The following SHISA9 variants were observed in gnomAD, a reference collection of about 807,000 sequenced individuals.
SHISA9 encodes protein shisa-9.
Under a neutral mutation model 38.0 loss-of-function variants are expected in SHISA9, and 13 were observed. The ratio of observed to expected loss-of-function variants is 0.34; its 90% CI spans 0.22 to 0.54. SHISA9 has a LOEUF of 0.54. SHISA9 is among the 20% of genes least tolerant of loss of function. SHISA9 has a pLI of 0.91. For missense variants in SHISA9, 538 were observed against 575.8 expected, an observed-to-expected ratio of 0.93 and a Z score of 0.67; for synonymous variants, 275 against 242.0, an observed-to-expected ratio of 1.14 and a Z score of -1.27.
At chr16:13,104,296 C>T (rs1231675430) in intron 2 of SHISA9, among the ~76,000 whole-genome samples, 1 of 152,120 alleles carries the variant, frequency 6.6e-6, no homozygotes, top group Non-Finnish European at 1.5e-5. Flanking sequence ...TTGGCAGTTT[C>T]TTAAAATGTT....
chr16:13,229,707 A>G (rs889141660), intron 4 of SHISA9, among the ~76,000 whole-genome samples: 1 of 152,208 alleles, frequency 6.6e-6, no homozygotes, highest in Non-Finnish European at 1.5e-5. Flanking sequence ...TCTGCTCTCA[A>G]AGAACTCGTG....
the SHISA9 span, among the ~76,000 whole-genome samples, chr16:13,385,820 G>C: frequency 6.6e-6 from 1 of 152,196 alleles, no homozygotes; most frequent in South Asian, 2.1e-4. Flanking sequence ...ACTCAGCAAT[G>C]AAAAGGAACA....
chr16:13,370,172 G>T, the SHISA9 span, among the ~76,000 whole-genome samples: 209 of 152,310 alleles, frequency 1.4e-3, 7 homozygotes, highest in East Asian at 0.034. Flanking sequence ...ACGACCATGG[G>T]TTTTGTCTGT....
chr16:13,421,441 A>C, the SHISA9 span, among the ~76,000 whole-genome samples: 1 of 152,142 alleles, frequency 6.6e-6, no homozygotes. Context: ...AAAAGCGGAA[A>C]CCCCTGATAA....
At chr16:13,170,855 C>T (rs141308943) in intron 2 of SHISA9, among the ~76,000 whole-genome samples, 1 of 152,246 alleles carries the variant, frequency 6.6e-6, no homozygotes, top group African/African-American at 2.4e-5. Flanking sequence ...TGGGGTTTCA[C>T]CATGTTGGGC....
At chr16:13,074,941 G>A (rs1271952566) in intron 2 of SHISA9, among the ~76,000 whole-genome samples, 4 of 152,048 alleles carry the variant, frequency 2.6e-5, no homozygotes, top group Non-Finnish European at 4.4e-5. Flanking sequence ...TGGGATTACC[G>A]GTGTGAGCCA....
chr16:12,940,732 A>G (rs981619721), intron 2 of SHISA9, among the ~76,000 whole-genome samples: 1 of 152,104 alleles, frequency 6.6e-6, no homozygotes. Flanking sequence ...TTTGTTTCCA[A>G]CATATGCATT....
intron 2 of SHISA9, among the ~76,000 whole-genome samples, chr16:12,983,342 C>T (rs2141825104): frequency 6.6e-6 from 1 of 152,322 alleles, no homozygotes; most frequent in African/African-American, 2.4e-5. Flanking sequence ...GTTTCTCCCT[C>T]TGGAAAACGG....
chr16:12,967,204 A>G (rs935947786), intron 2 of SHISA9, among the ~76,000 whole-genome samples: 1 of 151,848 alleles, frequency 6.6e-6, no homozygotes, highest in African/African-American at 2.4e-5. Flanking sequence ...TGTGGCACAT[A>G]TACGCCATGG....
chr16:12,954,622 C>T (rs1317451210), intron 2 of SHISA9, among the ~76,000 whole-genome samples: 1 of 152,166 alleles, frequency 6.6e-6, no homozygotes, highest in Admixed American at 6.5e-5. Context: ...TTCTTAGGAA[C>T]ATATTAAGGG....
At chr16:13,255,470 C>T in the SHISA9 span, among the ~76,000 whole-genome samples, 1 of 152,148 alleles carries the variant, frequency 6.6e-6, no homozygotes, top group Non-Finnish European at 1.5e-5. Flanking sequence ...ATCTTTAGGT[C>T]AGTTCACATT....
chr16:13,404,376 G>A, the SHISA9 span, among the ~76,000 whole-genome samples: 3 of 152,202 alleles, frequency 2.0e-5, no homozygotes, highest in Admixed American at 6.5e-5. Flanking sequence ...ATATATTAGA[G>A]AAATTTGTCC....
At chr16:12,978,714 GT>G (rs1309245630) in intron 2 of SHISA9, among the ~76,000 whole-genome samples, 2 of 152,206 alleles carry the variant, frequency 1.3e-5, no homozygotes, top group African/African-American at 4.8e-5. Context: ...TGGTTTCTGT[GT>G]TTAAGGAGAT....
At chr16:13,384,863 C>A in the SHISA9 span, among the ~76,000 whole-genome samples, 2 of 152,122 alleles carry the variant, frequency 1.3e-5, no homozygotes, top group African/African-American at 4.8e-5. Flanking sequence ...CTGTGAAGGA[C>A]CCCATTAAGA....
intron 2 of SHISA9, among the ~76,000 whole-genome samples, chr16:13,177,247 C>G (rs2050739129): frequency 6.6e-6 from 1 of 152,302 alleles, no homozygotes; most frequent in African/African-American, 2.4e-5. Flanking sequence ...TCTCCTAGAG[C>G]CCAGATTCTT....
intron 2 of SHISA9, among the ~76,000 whole-genome samples, chr16:12,925,540 C>G (rs545521247): frequency 2.0e-5 from 3 of 152,146 alleles, no homozygotes; most frequent in East Asian, 1.9e-4. Flanking sequence ...CTCCTGGGCT[C>G]TTTTCAAAAA....
chr16:13,381,017 G>T, the SHISA9 span, among the ~76,000 whole-genome samples: 1 of 152,080 alleles, frequency 6.6e-6, no homozygotes, highest in Non-Finnish European at 1.5e-5. Flanking sequence ...TTTTATGGCT[G>T]CATAGTATTC....
rs184415367 is a variant in SHISA9, at chr16:13,202,525, A to T, written c.692-869A>T. 2.6e-3 allele frequency among the ~76,000 whole-genome samples: 299 copies of T among 113,358 alleles called. 69 individuals carry two copies. Among genetic ancestry groups the T allele is most frequent in the African/African-American group, 0.01 (283 of 27,770 alleles). The allele number at this position is 113,358 out of a possible 152,430, so 74.4% of individuals were successfully genotyped here. On this transcript the variant is annotated intron_variant, in intron 2 of 4. Coordinates refer to ENST00000558583, the MANE Select transcript of SHISA9 (RefSeq NM_001145204.3). ...ATGCAAAAATATACACATAGGTTAT[A>T]TTACTTAACAAAAAATGCTATACTA...
chr16:13,407,070 CAAAAAAAAA>C, the SHISA9 span, among the ~76,000 whole-genome samples: 2 of 45,594 alleles, frequency 4.4e-5, no homozygotes, highest in South Asian at 2.5e-3. Context: ...CTCTGTCTCA[CAAAAAAAAA>C]AAAAAAAAAA....
Sources: gnomAD v4.1 joint callset for allele counts (sites outside exome capture counted in the v4.1 genomes callset) on GRCh38, gnomAD v4.1.1 for gene constraint, MANE v1.5 for transcripts, NCBI Gene and HGNC (gene_info 2026-07-23, HGNC 2026-07-21) for gene names.